The following ZNF730 variants were observed in gnomAD, a reference collection of about 807,000 sequenced individuals.
ZNF730 encodes putative zinc finger protein 730.
Under a neutral mutation model 12.6 loss-of-function variants are expected in ZNF730, and 12 were observed. The ratio of observed to expected loss-of-function variants is 0.95; its 90% CI spans 0.61 to 1.54. The LOEUF (loss-of-function observed/expected upper bound fraction) is 1.54, where lower values mean the gene tolerates loss of function less well. ZNF730 is among the 40% of genes most tolerant of loss of function. The pLI is 0.00. For synonymous variants in ZNF730, 194 were observed against 195.8 expected (o/e 0.99, Z 0.08); for missense variants, 643 against 583.5 (o/e 1.10, Z -1.05).
At chr19:23,121,547 G>A (rs910959863) in intron 1 of ZNF730, among the ~76,000 whole-genome samples, 1 of 152,106 alleles carries the variant, frequency 6.6e-6, no homozygotes. Flanking sequence ...TCACCATGTT[G>A]GTCAGGCTGG....
At chr19:23,143,185 C>T (rs1277144749) in intron 3 of ZNF730, among the ~76,000 whole-genome samples, 1 of 151,930 alleles carries the variant, frequency 6.6e-6, no homozygotes, top group Non-Finnish European at 1.5e-5. Context: ...GCGGAGCTTG[C>T]AGTGAGCCGA....
chr19:23,106,895 C>G (rs1325711274), intron 1 of ZNF730, among the ~76,000 whole-genome samples: 2 of 151,046 alleles, frequency 1.3e-5, no homozygotes, highest in African/African-American at 4.9e-5. Flanking sequence ...TATACACAAA[C>G]TGTATTCTTG....
At chr19:23,085,846 T>TC (rs1199733644) in intron 1 of ZNF730, among the ~76,000 whole-genome samples, 1 of 98,436 alleles carries the variant, frequency 1.0e-5, no homozygotes, top group Non-Finnish European at 2.1e-5. Context: ...CTTTTTTTTT[T>TC]TTTTTTTTTT....
At chr19:23,104,301 CAA>C (rs56332917) in intron 1 of ZNF730, among the ~76,000 whole-genome samples, 7,363 of 95,818 alleles carry the variant, frequency 0.077, 182 homozygotes, top group Middle Eastern at 0.092. Context: ...GACTCCATCT[CAA>C]AAAAAAAAAA....
chr19:23,128,885 C>T (rs978856693), intron 1 of ZNF730, among the ~76,000 whole-genome samples: 15 of 152,300 alleles, frequency 9.8e-5, no homozygotes, highest in African/African-American at 3.6e-4. Flanking sequence ...CCCAGGGCTC[C>T]CCTGCTCTGT....
intron 3 of ZNF730, chr19:23,143,981 G>A (rs1417324881): frequency 1.3e-5 from 2 of 151,528 alleles, no homozygotes; most frequent in Non-Finnish European, 2.9e-5. Flanking sequence ...GATTTTTCAG[G>A]TATTATTTCT....
At chr19:23,084,811 C>T (rs571223860) in intron 1 of ZNF730, among the ~76,000 whole-genome samples, 45 of 152,278 alleles carry the variant, frequency 3.0e-4, no homozygotes, top group African/African-American at 1.1e-3. Context: ...TTTATGGCTG[C>T]ATAGTATTTC....
intron 1 of ZNF730, among the ~76,000 whole-genome samples, chr19:23,128,734 A>G (rs1013267257): frequency 2.6e-5 from 4 of 152,224 alleles, no homozygotes; most frequent in Admixed American, 6.5e-5. Context: ...AATGCAATAG[A>G]ATAGAAAACC....
chr19:23,116,328 C>CT (rs869125151), upstream of ZNF730, among the ~76,000 whole-genome samples: 19 of 100,460 alleles, frequency 1.9e-4, no homozygotes, highest in East Asian at 4.0e-3. Context: ...TCTTTTCTTT[C>CT]TTTCTTTCCT....
At chr19:23,140,885 G>A (rs768557089) in intron 3 of ZNF730, among the ~76,000 whole-genome samples, 2 of 152,108 alleles carry the variant, frequency 1.3e-5, no homozygotes, top group Non-Finnish European at 2.9e-5. Flanking sequence ...CCAGGAGGCA[G>A]AGGTTGCAGT....
chr19:23,122,423 G>A (rs1439707295), intron 1 of ZNF730, among the ~76,000 whole-genome samples: 4 of 152,190 alleles, frequency 2.6e-5, no homozygotes, highest in African/African-American at 4.8e-5. Flanking sequence ...GATTACAAGC[G>A]TGAGCCACCA....
rs1038287546 is a variant in ZNF730 at position 23,127,820 on chromosome 19, G to A, written c.4-6260G>A. 7 of 686,870 alleles carry A rather than the reference G, an allele frequency of 1.0e-5. No individual in the cohort carries two copies. In the South Asian group the frequency reaches 1.1e-4, roughly 11 times the overall value. The allele number at this position is 686,870 out of a possible 1,614,324, so 42.5% of individuals were successfully genotyped here. A position where few individuals can be genotyped will look rare whatever the true frequency, so the allele number is the denominator to read the frequency against. ...TGGCTGCTCCACAGGATGATAGTTT[G>A]TGTAACAAACAAATATTGTCAGATT... On this transcript the variant is annotated intron_variant, in intron 1 of 3. Coordinates refer to ENST00000597761, the MANE Select transcript of ZNF730 (RefSeq NM_001277403.2).
At chr19:23,093,814 G>A (rs1198665319) in intron 1 of ZNF730, among the ~76,000 whole-genome samples, 1 of 152,218 alleles carries the variant, frequency 6.6e-6, no homozygotes, top group Non-Finnish European at 1.5e-5. Flanking sequence ...GGCATGGTGG[G>A]AAGGAAGGTT....
chr19:23,107,838 C>T (rs947950192), intron 1 of ZNF730, among the ~76,000 whole-genome samples: 2 of 152,176 alleles, frequency 1.3e-5, no homozygotes, highest in African/African-American at 4.8e-5. Context: ...AAGCCCCACC[C>T]CTTGGGTGAA....
chr19:23,127,481 T>G, intron 1 of ZNF730: 3 of 1,060,372 alleles, frequency 2.8e-6, no homozygotes, highest in Non-Finnish European at 4.4e-6. Flanking sequence ...CTGTACTTTT[T>G]CCCTTGAAGC....
chr19:23,135,038 A>AAC lies in ZNF730; in HGVS notation c.130+832_130+833insAC, dbSNP rs1208549260. Among the ~76,000 whole-genome samples the AAC allele has an allele frequency of 2.4e-3, 300 of 123,516 alleles. 3 individuals carry two copies. Among genetic ancestry groups the AAC allele is most frequent in the Middle Eastern group, 7.5e-3 (2 of 266 alleles). 81.0% of individuals were successfully genotyped at this position (123,516 alleles called of 152,430 possible). A position where few individuals can be genotyped will look rare whatever the true frequency, so the allele number is the denominator to read the frequency against. ...ATGCTTGAAGGCAGCATGCTCGTTA[A>AAC]GAGTCATCACCACTCCCTAATCTTA... On this transcript the variant is annotated intron_variant, in intron 2 of 3. Transcript: ENST00000597761.
At chr19:23,103,642 G>A (rs1021228815) in intron 1 of ZNF730, among the ~76,000 whole-genome samples, 6 of 152,102 alleles carry the variant, frequency 3.9e-5, no homozygotes, top group Non-Finnish European at 7.4e-5. Context: ...GAGGTAAACA[G>A]AATTATTTGA....
chr19:23,140,939 G>A lies in ZNF730; in HGVS notation c.227-4332G>A, dbSNP rs185455487. On this transcript the variant is annotated intron_variant, in intron 3 of 3. Coordinates refer to ENST00000597761, the MANE Select transcript of ZNF730 (RefSeq NM_001277403.2). ...TACACTCTAGCCTGGGTGACAGAGC[G>A]AGATTCTGTCTCAAAAAAAAACTAA... 5.9e-4 allele frequency among the ~76,000 whole-genome samples: 89 copies of A among 151,952 alleles called. 1 individual carries two copies. Among genetic ancestry groups the A allele is most frequent in the African/African-American group, 1.9e-3 (80 of 41,484 alleles).
intron 1 of ZNF730, chr19:23,128,203 C>G: frequency 1.3e-6 from 1 of 778,696 alleles, no homozygotes. Flanking sequence ...CAGTACCAAA[C>G]AGTTCCCTGG....
Sources: gnomAD v4.1 joint callset for allele counts (sites outside exome capture counted in the v4.1 genomes callset) on GRCh38, gnomAD v4.1.1 for gene constraint, MANE v1.5 for transcripts, NCBI Gene and HGNC (gene_info 2026-07-23, HGNC 2026-07-21) for gene names.